Variants in VPS13D observed in about 807,000 individuals in gnomAD.
VPS13D encodes vacuolar protein sorting 13 homolog D.
Under a neutral mutation model 461.9 loss-of-function variants are expected in VPS13D, and 187 were observed. The observed-to-expected ratio is 0.40, with a 90% CI of 0.36 to 0.46. The LOEUF (loss-of-function observed/expected upper bound fraction) is 0.46, where lower values mean the gene tolerates loss of function less well. VPS13D is among the 20% of genes least tolerant of loss of function. The pLI is 0.60. For missense variants in VPS13D, 4,711 were observed against 5,364.9 expected (o/e 0.88, Z 3.81); for synonymous variants, 1,951 against 1,986.3 (o/e 0.98, Z 0.47).
intron 67 of VPS13D, among the ~76,000 whole-genome samples, chr1:12,482,789 C>CAT (rs1052420254): frequency 2.2e-4 from 33 of 147,930 alleles, no homozygotes; most frequent in African/African-American, 6.8e-4. Flanking sequence ...ACATAGTATA[C>CAT]ATATATATAT....
chr1:12,376,179 G>C (rs977119903), intron 55 of VPS13D, among the ~76,000 whole-genome samples: 6 of 152,234 alleles, frequency 3.9e-5, no homozygotes, highest in Non-Finnish European at 7.3e-5. Flanking sequence ...TCTGTGAACA[G>C]AGAAGCAAGC....
rs180947440 is a variant in VPS13D at position 12,246,856 on chromosome 1, C to G, written c.447+2239C>G. 3.3e-3 allele frequency among the ~76,000 whole-genome samples: 502 copies of G among 152,222 alleles called. 3 individuals are homozygous for G. The highest frequency in any genetic ancestry group is 5.2e-3 in the Non-Finnish European group (351 of 68,014). On this transcript the variant is annotated intron_variant, in intron 5 of 69. Transcript: ENST00000620676. ...GAGTCCTTGCGTTTCTCAGGACATACGACATTTTGTTTATTCATTCATGAG... is the reference window on the plus strand; with the variant it reads ...GAGTCCTTGCGTTTCTCAGGACATAGGACATTTTGTTTATTCATTCATGAG...
intron 21 of VPS13D, among the ~76,000 whole-genome samples, chr1:12,283,947 G>T (rs1436049763): frequency 6.6e-6 from 1 of 152,186 alleles, no homozygotes; most frequent in Non-Finnish European, 1.5e-5. Context: ...AAAATAAGTG[G>T]TTTAAGAATC....
At chr1:12,465,183 A>G (rs1244555894) in intron 67 of VPS13D, 1 of 152,256 alleles carries the variant, frequency 6.6e-6, no homozygotes, top group African/African-American at 2.4e-5. Context: ...CTGCCTCTGC[A>G]CTATGTATTT....
intron 18 of VPS13D, among the ~76,000 whole-genome samples, chr1:12,275,506 T>C (rs1641583185): frequency 6.6e-6 from 1 of 151,978 alleles, no homozygotes; most frequent in African/African-American, 2.4e-5. Context: ...AAGAAAGGGT[T>C]GGTGAAAGCA....
chr1:12,483,004 C>T (rs1486012643), intron 67 of VPS13D, among the ~76,000 whole-genome samples: 1 of 152,112 alleles, frequency 6.6e-6, no homozygotes, highest in Non-Finnish European at 1.5e-5. Flanking sequence ...TGTAAGCATC[C>T]TCTACATATA....
chr1:12,429,108 T>A (rs1644961301), intron 65 of VPS13D, among the ~76,000 whole-genome samples: 1 of 109,910 alleles, frequency 9.1e-6, no homozygotes, highest in East Asian at 2.0e-4. Context: ...ATCTGACAAC[T>A]TTTTTTTTTT....
At chr1:12,281,865 A>G (rs1304428542) in intron 20 of VPS13D, among the ~76,000 whole-genome samples, 1 of 152,052 alleles carries the variant, frequency 6.6e-6, no homozygotes, top group Non-Finnish European at 1.5e-5. Context: ...ATTGCCCTTC[A>G]TTAAATAAAA....
chr1:12,506,886 C>G lies in VPS13D; in HGVS notation c.12828C>G (p.Cys4276Trp). The G allele has an allele frequency of 6.2e-7, 1 of 1,614,278 alleles. No individual in the cohort carries two copies. Among genetic ancestry groups the G allele is most frequent in the Non-Finnish European group, 8.5e-7 (1 of 1,180,052 alleles). Residue 4276 changes from cysteine to tryptophan, a missense_variant, in exon 69 of 70, where the codon TGC becomes TGG. By Grantham distance (215) the Cys-to-Trp change is radical. This residue lies in a region of VPS13D where 194 missense variants were observed against 220.9 expected (regional missense o/e 0.88). Coordinates refer to ENST00000620676, the MANE Select transcript of VPS13D (RefSeq NM_015378.4). ...FIAVENIDSY[C>W]VLISSKAVYF... ...CTGTGGAGAACATTGACAGCTACTG[C>G]GTGCTCATCTCCTCCAAAGCTGTTT...
At chr1:12,291,426 C>G (rs1211294758) in intron 23 of VPS13D, among the ~76,000 whole-genome samples, 1 of 152,004 alleles carries the variant, frequency 6.6e-6, no homozygotes, top group Non-Finnish European at 1.5e-5. Flanking sequence ...GCCAGGAGTT[C>G]GAGACCACCC....
chr1:12,282,933 G>A lies in VPS13D; in HGVS notation c.4831G>A (p.Glu1611Lys), dbSNP rs41279452. ...CTCTCAGAAGTCATTGTCAGTGAAGGAAGTCAAATCCTTTACTCAGATTCA... is the reference window on the plus strand; with the variant it reads ...CTCTCAGAAGTCATTGTCAGTGAAGAAAGTCAAATCCTTTACTCAGATTCA... ...NTSQKSLSVK[E>K]VKSFTQIQAT... The change falls in exon 21 of 70, where the codon GAA becomes AAA. Residue 1611 changes from glutamate to lysine, a missense_variant. Coordinates refer to ENST00000620676, the MANE Select transcript of VPS13D (RefSeq NM_015378.4). 0.011 allele frequency: 18,416 copies of A among 1,614,172 alleles called. 142 individuals are homozygous for A. Among genetic ancestry groups the A allele is most frequent in the Non-Finnish European group, 0.014 (16,753 of 1,180,016 alleles).
intron 63 of VPS13D, among the ~76,000 whole-genome samples, chr1:12,411,449 A>G (rs142567962): frequency 0.019 from 2,791 of 146,852 alleles, 46 homozygotes; most frequent in Non-Finnish European, 0.03. Flanking sequence ...CCTGGGCATC[A>G]TAGGGAGACC....
intron 25 of VPS13D, among the ~76,000 whole-genome samples, chr1:12,302,685 C>T (rs1447796871): frequency 2.6e-5 from 4 of 152,116 alleles, no homozygotes; most frequent in Non-Finnish European, 5.9e-5. Context: ...AATCCACATT[C>T]ACATGCTTTA....
chr1:12,400,962 G>A (rs1215259613), intron 61 of VPS13D, among the ~76,000 whole-genome samples: 47,698 of 105,004 alleles, frequency 0.45, 8,830 homozygotes, highest in East Asian at 0.51. Flanking sequence ...CTGCGCGCGC[G>A]CACACACACA....
chr1:12,398,114 A>C (rs891559418), intron 60 of VPS13D, among the ~76,000 whole-genome samples: 1 of 152,242 alleles, frequency 6.6e-6, no homozygotes, highest in Non-Finnish European at 1.5e-5. Context: ...TTTGGCTGCT[A>C]TATAGAGAAT....
chr1:12,306,384 G>A (rs1642565447), intron 26 of VPS13D, among the ~76,000 whole-genome samples: 1 of 152,156 alleles, frequency 6.6e-6, no homozygotes, highest in African/African-American at 2.4e-5. Flanking sequence ...TTGCCAGTCT[G>A]TCTGCATGCA....
chr1:12,348,166 T>G (rs1643717189), intron 44 of VPS13D, among the ~76,000 whole-genome samples: 1 of 152,230 alleles, frequency 6.6e-6, no homozygotes. Flanking sequence ...AGACAATTCT[T>G]TCTTTTACAC....
chr1:12,333,711 A>C (rs942097342), intron 38 of VPS13D, among the ~76,000 whole-genome samples: 1 of 152,242 alleles, frequency 6.6e-6, no homozygotes, highest in Non-Finnish European at 1.5e-5. Context: ...TTCACGGACT[A>C]ATTCTTAAAA....
At chr1:12,324,286 C>T (rs912270992) in intron 35 of VPS13D, among the ~76,000 whole-genome samples, 5 of 152,138 alleles carry the variant, frequency 3.3e-5, no homozygotes, top group East Asian at 3.9e-4. Context: ...GCAGATGGAT[C>T]GCCTGAGGTC....
Sources: gnomAD v4.1 joint callset for allele counts (sites outside exome capture counted in the v4.1 genomes callset) on GRCh38, gnomAD v4.1.1 for gene constraint, gnomAD v4.1.1 regional missense constraint, MANE v1.5 for transcripts, NCBI Gene and HGNC (gene_info 2026-07-23, HGNC 2026-07-21) for gene names.